Variants in EIF4G3 observed in about 807,000 individuals in gnomAD.
The protein encoded by EIF4G3 is eIF-4-gamma 3.
In EIF4G3, 34 loss-of-function variants were observed where a neutral mutation model predicts 186.4. That is an observed-to-expected ratio of 0.18 (90% confidence interval 0.14 to 0.24). The LOEUF (loss-of-function observed/expected upper bound fraction) is 0.24, where lower values mean the gene tolerates loss of function less well. Among genes scored for constraint, EIF4G3 ranks in the 10% least tolerant of loss-of-function variants. EIF4G3 has a pLI of 1.00. For missense variants in EIF4G3, 1,536 were observed against 1,948.5 expected (o/e 0.79, Z 3.99); for synonymous variants, 673 against 679.5 (o/e 0.99, Z 0.15).
chr1:20,845,997 TCTC>T (rs2070861522), intron 29 of EIF4G3, among the ~76,000 whole-genome samples: 2 of 152,154 alleles, frequency 1.3e-5, no homozygotes, highest in South Asian at 4.1e-4. Flanking sequence ...GGTTTGTAGT[TCTC>T]CTTGTAGTGA....
chr1:21,061,556 T>C (rs1262971688), intron 3 of EIF4G3, among the ~76,000 whole-genome samples: 5 of 152,190 alleles, frequency 3.3e-5, no homozygotes, highest in East Asian at 3.8e-4. Flanking sequence ...ACATTCCACA[T>C]AGCATCTAAG....
chr1:21,165,350 T>C (rs2097840231), intron 2 of EIF4G3, among the ~76,000 whole-genome samples: 1 of 152,144 alleles, frequency 6.6e-6, no homozygotes, highest in Non-Finnish European at 1.5e-5. Context: ...CAAGAGAAAT[T>C]ACAACATAAC....
At chr1:21,103,319 A>AGCAAGGAG (rs913955858) in intron 2 of EIF4G3, among the ~76,000 whole-genome samples, 70 of 152,300 alleles carry the variant, frequency 4.6e-4, no homozygotes, top group African/African-American at 1.4e-3. Context: ...CTATTTACAC[A>AGCAAGGAG]GCAAGGAGGC....
rs201024693 is a variant in EIF4G3, at chr1:20,924,572, G to GT, written c.1663+16918dup. ...ATGAGAGAATTGTTCTTTTTGTTTT[G>GT]TTTTTTGAGATGGAGTCTCACTCTG... On this transcript the variant is annotated intron_variant, in intron 14 of 36. Coordinates refer to ENST00000602326, the MANE Select transcript of EIF4G3 (RefSeq NM_001391906.1). Among the ~76,000 whole-genome samples the GT allele has an allele frequency of 6.2e-3, 940 of 152,192 alleles. 8 individuals are homozygous for GT. Among genetic ancestry groups the GT allele is most frequent in the African/African-American group, 0.022 (904 of 41,528 alleles).
chr1:21,123,284 C>T (rs139608594), intron 2 of EIF4G3, among the ~76,000 whole-genome samples: 2 of 152,076 alleles, frequency 1.3e-5, no homozygotes, highest in African/African-American at 4.8e-5. Flanking sequence ...GTTCAGAGGC[C>T]AGATGCGGTG....
At chr1:21,056,173 G>A (rs2094554574) in intron 3 of EIF4G3, among the ~76,000 whole-genome samples, 1 of 152,130 alleles carries the variant, frequency 6.6e-6, no homozygotes, top group Non-Finnish European at 1.5e-5. Flanking sequence ...CTGCCAAACT[G>A]GTAATCCTTT....
chr1:21,024,840 T>C (rs983740599), intron 4 of EIF4G3, among the ~76,000 whole-genome samples: 1 of 148,670 alleles, frequency 6.7e-6, no homozygotes, highest in Admixed American at 6.7e-5. Context: ...TATTGTCCCA[T>C]GACCCTGCCA....
chr1:20,851,294 T>C lies in EIF4G3; in HGVS notation c.3736A>G (p.Ser1246Gly). The C allele has an allele frequency of 1.2e-6, 2 of 1,614,226 alleles. No homozygotes were observed. Among genetic ancestry groups the C allele is most frequent in the Non-Finnish European group, 1.7e-6 (2 of 1,180,044 alleles). Reference sequence around the variant, plus strand: ...GTTTTATTTCGCTCAGCCTCAGTGCTGTTCCTCTCCACATCCACACCTCCT... The same window carrying C: ...GTTTTATTTCGCTCAGCCTCAGTGCCGTTCCTCTCCACATCCACACCTCCT... Reference protein sequence around the residue: ...LTGGVDVERNSTEAERNKTRE... With the variant: ...LTGGVDVERNGTEAERNKTRE... Residue 1246 changes from serine to glycine, a missense_variant, in exon 28 of 37, where the codon AGC (serine) becomes GGC (glycine). By Grantham distance (56) the Ser-to-Gly change is moderately conservative. Around this residue, in one of 11 missense-constraint regions of EIF4G3, gnomAD observed 395 missense variants for 498.9 expected, o/e 0.79. Transcript: ENST00000602326.
At chr1:20,906,953 G>A (rs2092287643) in intron 14 of EIF4G3, among the ~76,000 whole-genome samples, 1 of 152,110 alleles carries the variant, frequency 6.6e-6, no homozygotes, top group Non-Finnish European at 1.5e-5. Flanking sequence ...AGAAAAGGGA[G>A]TAGAAGGGAA....
Position 20,941,983 on chromosome 1 carries a change from T to C in EIF4G3, c.1171A>G (p.Ile391Val), listed in dbSNP as rs1177630659. 1.9e-6 allele frequency: 3 copies of C among 1,614,078 alleles called. No individual in the cohort carries two copies. The African/African-American group carries it at 4.0e-5, about 22-fold the overall frequency. Residue 391 changes from isoleucine (I) to valine (V), a missense_variant, in exon 14 of 37, where the codon ATA becomes GTA. Physicochemically the swap from Ile to Val is conservative, Grantham distance 29. Transcript: ENST00000602326. ...GCTACACTACAGGGTTTCTTGCATATATCATCATCATTTTCATTTGTTGGT... is the reference window on the plus strand; with the variant it reads ...GCTACACTACAGGGTTTCTTGCATACATCATCATCATTTTCATTTGTTGGT... ...PLPTNENDDD[I>V]CKKPCSVAPN...
intron 3 of EIF4G3, among the ~76,000 whole-genome samples, chr1:21,055,769 G>A (rs2154578049): frequency 6.6e-6 from 1 of 151,830 alleles, no homozygotes; most frequent in Non-Finnish European, 1.5e-5. Flanking sequence ...TAACACAACT[G>A]AACTAAATAC....
intron 3 of EIF4G3, among the ~76,000 whole-genome samples, chr1:21,081,702 GTGCATC>G (rs2100832324): frequency 6.8e-6 from 1 of 147,422 alleles, no homozygotes; most frequent in East Asian, 2.0e-4. Context: ...GAGTGCAGTG[GTGCATC>G]TCGGTTCACT....
intron 2 of EIF4G3, among the ~76,000 whole-genome samples, chr1:21,170,397 G>A (rs914472825): frequency 1.1e-4 from 16 of 151,854 alleles, no homozygotes; most frequent in Non-Finnish European, 2.1e-4. Context: ...CAGGCCAGGT[G>A]TGGTGGCTCA....
At chr1:20,828,527 G>A (rs1209280949) in intron 31 of EIF4G3, among the ~76,000 whole-genome samples, 1 of 152,170 alleles carries the variant, frequency 6.6e-6, no homozygotes, top group Non-Finnish European at 1.5e-5. Flanking sequence ...CTATAGGACT[G>A]TCATAAACTT....
At chr1:20,846,755 T>G (rs1283873522) in intron 29 of EIF4G3, among the ~76,000 whole-genome samples, 2 of 152,182 alleles carry the variant, frequency 1.3e-5, no homozygotes, top group Non-Finnish European at 2.9e-5. Context: ...ACATGCACGG[T>G]GGGGTCAGAC....
chr1:21,072,593 G>A (rs868793006), intron 3 of EIF4G3, among the ~76,000 whole-genome samples: 8 of 151,972 alleles, frequency 5.3e-5, no homozygotes, highest in African/African-American at 9.7e-5. Flanking sequence ...TAGTAGAGAC[G>A]GGGTTTCACT....
At chr1:20,820,184 G>A (rs1457662708) in intron 33 of EIF4G3, among the ~76,000 whole-genome samples, 1 of 152,166 alleles carries the variant, frequency 6.6e-6, no homozygotes, top group African/African-American at 2.4e-5. Flanking sequence ...GAGGGAGCAG[G>A]CAGGATCTCC....
chr1:21,154,553 T>C (rs1416566227), intron 2 of EIF4G3, among the ~76,000 whole-genome samples: 1 of 152,228 alleles, frequency 6.6e-6, no homozygotes, highest in Non-Finnish European at 1.5e-5. Context: ...CAAATATATT[T>C]TTCAAAGTTT....
chr1:20,869,000 C>T (rs974708369), intron 20 of EIF4G3, among the ~76,000 whole-genome samples: 5 of 152,154 alleles, frequency 3.3e-5, no homozygotes, highest in Admixed American at 3.3e-4. Flanking sequence ...GGTGGACATG[C>T]TTATCCCCAA....
Sources: gnomAD v4.1 joint callset for allele counts (sites outside exome capture counted in the v4.1 genomes callset) on GRCh38, gnomAD v4.1.1 for gene constraint, gnomAD v4.1.1 regional missense constraint, MANE v1.5 for transcripts, NCBI Gene and HGNC (gene_info 2026-07-23, HGNC 2026-07-21) for gene names.